Variants in PTPN22 observed in about 807,000 individuals in gnomAD.
The protein encoded by PTPN22 is protein tyrosine phosphatase non-receptor type 22, also known as tyrosine-protein phosphatase non-receptor type 22.
A neutral mutation model predicts 103.3 loss-of-function variants in PTPN22; 85 were observed. The observed-to-expected ratio is 0.82, with a 90% CI of 0.69 to 0.99. The LOEUF is 0.99. Among genes scored for constraint, PTPN22 ranks in the 50% least tolerant of loss-of-function variants. PTPN22 has a pLI of 0.00. For synonymous variants in PTPN22, 323 were observed against 310.2 expected (o/e 1.04, Z -0.43); for missense variants, 865 against 936.9 (o/e 0.92, Z 1.00).
At chr1:113,826,018 A>AT (rs1662029173) in intron 18 of PTPN22, among the ~76,000 whole-genome samples, 2 of 151,420 alleles carry the variant, frequency 1.3e-5, no homozygotes, top group South Asian at 2.1e-4. Context: ...CAGCCAATAA[A>AT]TTTTTTTTTA....
At chr1:113,828,265 T>G (rs1335358214) in intron 18 of PTPN22, among the ~76,000 whole-genome samples, 1 of 152,192 alleles carries the variant, frequency 6.6e-6, no homozygotes, top group African/African-American at 2.4e-5. Flanking sequence ...TTAGCTGAAT[T>G]TATCTATCTC....
At chr1:113,850,268 GGAAGGAAA>G (rs1392596700) in intron 10 of PTPN22, among the ~76,000 whole-genome samples, 49 of 126,168 alleles carry the variant, frequency 3.9e-4, no homozygotes, top group South Asian at 1.1e-3. Context: ...AAGGAAGGAA[GGAAGGAAA>G]GAAAGGAAGA....
At chr1:113,847,236 C>CT (rs34578333) in intron 11 of PTPN22, among the ~76,000 whole-genome samples, 14,287 of 101,226 alleles carry the variant, frequency 0.14, 1,092 homozygotes, top group East Asian at 0.22. Context: ...TGCTGAGACT[C>CT]TTTTTTTTTT....
intron 1 of PTPN22, among the ~76,000 whole-genome samples, chr1:113,863,174 C>T (rs571413059): frequency 1.3e-5 from 2 of 152,154 alleles, no homozygotes; most frequent in African/African-American, 2.4e-5. Flanking sequence ...CTCACTGCAA[C>T]CTCTGCCTCC....
chr1:113,861,654 T>C (rs1402149701), intron 1 of PTPN22, among the ~76,000 whole-genome samples: 3 of 150,410 alleles, frequency 2.0e-5, no homozygotes, highest in Non-Finnish European at 3.0e-5. Flanking sequence ...GCTGGGATTA[T>C]AGGCATGAGC....
At chr1:113,832,987 T>C in intron 16 of PTPN22, 124 bp downstream of exon 16, 1 of 956,850 alleles carries the variant, frequency 1.0e-6, no homozygotes, top group Non-Finnish European at 1.6e-6. Flanking sequence ...CAGAAATAAA[T>C]CAATGAATAC....
At chr1:113,855,177 C>T (rs3789609) in intron 7 of PTPN22, 128 bp from the exon 8 acceptor site, 202,500 of 757,308 alleles carry the variant, frequency 0.27, 29,972 homozygotes, top group South Asian at 0.38. Flanking sequence ...TGCACATTTA[C>T]GCCCTTGTGT....
chr1:113,839,044 A>G (rs1445031060), intron 11 of PTPN22, among the ~76,000 whole-genome samples: 1 of 152,102 alleles, frequency 6.6e-6, no homozygotes, highest in East Asian at 1.9e-4. Context: ...TTTTCTTGCC[A>G]TTACTTTAGC....
At chr1:113,828,209 G>A (rs900175651) in intron 18 of PTPN22, among the ~76,000 whole-genome samples, 4 of 151,860 alleles carry the variant, frequency 2.6e-5, no homozygotes, top group Non-Finnish European at 5.9e-5. Flanking sequence ...TTTGTCTTTT[G>A]ATTTTTAAGG....
intron 14 of PTPN22, 58 bp downstream of exon 14, chr1:113,834,852 G>C: frequency 1.5e-6 from 2 of 1,330,100 alleles, no homozygotes; most frequent in Non-Finnish European, 1.0e-6. Context: ...TGGAATTAAA[G>C]GCATGAGCCA....
chr1:113,829,786 G>T (rs1662392271), intron 17 of PTPN22, 79 bp from the exon 18 acceptor site: 1 of 1,243,920 alleles, frequency 8.0e-7, no homozygotes, highest in African/African-American at 1.5e-5. Context: ...TAAATTGTTA[G>T]CTTGGCTTTT....
intron 11 of PTPN22, among the ~76,000 whole-genome samples, chr1:113,838,950 C>T (rs1483104803): frequency 6.6e-6 from 1 of 152,120 alleles, no homozygotes; most frequent in Non-Finnish European, 1.5e-5. Flanking sequence ...AGCATCTCAG[C>T]CCTTTACAGG....
chr1:113,838,768 G>C (rs1279339577), intron 11 of PTPN22, 148 bp from the exon 12 acceptor site: 1 of 1,284,504 alleles, frequency 7.8e-7, no homozygotes, highest in African/African-American at 1.5e-5. Context: ...CCAAAATATT[G>C]AACTCAGCAA....
At chr1:113,830,277 G>A (rs1207710144) in intron 16 of PTPN22, among the ~76,000 whole-genome samples, 1 of 152,100 alleles carries the variant, frequency 6.6e-6, no homozygotes, top group East Asian at 1.9e-4. Context: ...CACTGAAACC[G>A]AATATAATCA....
At chr1:113,819,626 C>A (rs767077228) in exon 20 of PTPN22, 2 of 1,602,722 alleles carry the variant, frequency 1.2e-6, no homozygotes, top group Non-Finnish European at 1.7e-6. Flanking sequence ...ATTCTGCAGG[C>A]TTGTTTGGTG....
At chr1:113,862,247 C>A (rs1665678222) in intron 1 of PTPN22, among the ~76,000 whole-genome samples, 1 of 152,032 alleles carries the variant, frequency 6.6e-6, no homozygotes, top group Non-Finnish European at 1.5e-5. Context: ...CACACCACTG[C>A]ACTCCAGCCT....
rs549668004 is a variant in PTPN22 at position 113,827,303 on chromosome 1, C to T, written c.2251-2131G>A. Among the ~76,000 whole-genome samples, 14 of 152,090 alleles carry T rather than the reference C, an allele frequency of 9.2e-5. No individual in the cohort carries two copies. In the South Asian group the frequency reaches 1.3e-3, roughly 14 times the overall value. ...TCAGGAAATCCTAGTAAAAATGCTC[C>T]CATCCTTGTCTTCAATCTACTACTC... On this transcript the variant is annotated intron_variant, in intron 18 of 20. Transcript: ENST00000359785.
intron 1 of PTPN22, among the ~76,000 whole-genome samples, chr1:113,863,822 T>A (rs2476604): frequency 0.56 from 84,422 of 151,056 alleles, 24,342 homozygotes; most frequent in South Asian, 0.65. Flanking sequence ...TCTAGTATAG[T>A]TTAAACTGTT....
chr1:113,857,050 T>TA (rs1226435768), intron 5 of PTPN22, among the ~76,000 whole-genome samples: 1 of 152,150 alleles, frequency 6.6e-6, no homozygotes, highest in Non-Finnish European at 1.5e-5. Context: ...ACAGACATAT[T>TA]AAAAAATGAA....
Sources: allele counts gnomAD v4.1 joint callset (sites outside exome capture counted in the v4.1 genomes callset), GRCh38; gene constraint gnomAD v4.1.1; transcripts MANE v1.5; gene names NCBI Gene and HGNC (gene_info 2026-07-23, HGNC 2026-07-21).